TCF12: variants seen among roughly 807,000 people sequenced by gnomAD.
TCF12 encodes the protein DNA-binding protein HTF4.
Under a neutral mutation model 86.0 loss-of-function variants are expected in TCF12, and 45 were observed. The observed-to-expected ratio is 0.52, with a 90% CI of 0.41 to 0.67. TCF12 has a LOEUF of 0.67. TCF12 is among the 30% of genes least tolerant of loss of function. The pLI, the probability that TCF12 is intolerant of heterozygous loss-of-function variation, is 0.00. For synonymous variants in TCF12, 330 were observed against 299.6 expected, an observed-to-expected ratio of 1.10 and a Z score of -1.05; for missense variants, 881 against 859.9, an observed-to-expected ratio of 1.02 and a Z score of -0.31.
chr15:57,075,788 T>TCTC (rs1567370136), intron 4 of TCF12, among the ~76,000 whole-genome samples: 4 of 41,832 alleles, frequency 9.6e-5, no homozygotes, highest in Admixed American at 3.3e-4. Context: ...CTTTCTTTCT[T>TCTC]TCTTTCTTTC....
At chr15:57,245,422 T>G (rs564916088) in intron 13 of TCF12, among the ~76,000 whole-genome samples, 16 of 152,384 alleles carry the variant, frequency 1.0e-4, no homozygotes, top group African/African-American at 3.1e-4. Flanking sequence ...CTAACCCTAC[T>G]CACCCTCTTT....
At chr15:57,029,946 T>C (rs1466138345) in intron 3 of TCF12, among the ~76,000 whole-genome samples, 1 of 152,234 alleles carries the variant, frequency 6.6e-6, no homozygotes, top group Non-Finnish European at 1.5e-5. Flanking sequence ...TGTTACGTTA[T>C]ATGGATGTAC....
intron 3 of TCF12, among the ~76,000 whole-genome samples, chr15:56,979,320 C>G (rs1251710521): frequency 1.3e-5 from 2 of 152,078 alleles, no homozygotes; most frequent in African/African-American, 2.4e-5. Context: ...TACTTTTCAT[C>G]TTTTCATTGA....
At chr15:57,198,996 C>G (rs1409267887) in intron 8 of TCF12, among the ~76,000 whole-genome samples, 1 of 152,088 alleles carries the variant, frequency 6.6e-6, no homozygotes, top group Non-Finnish European at 1.5e-5. Flanking sequence ...ATTTGAAATC[C>G]TCTCTGTAAC....
At chr15:57,226,885 A>G (rs1240102474) in intron 8 of TCF12, among the ~76,000 whole-genome samples, 1 of 151,592 alleles carries the variant, frequency 6.6e-6, no homozygotes, top group African/African-American at 2.4e-5. Flanking sequence ...TGCACTATCC[A>G]CATTTCAAGT....
At chr15:56,962,740 C>T (rs1892349602) in intron 3 of TCF12, among the ~76,000 whole-genome samples, 1 of 152,116 alleles carries the variant, frequency 6.6e-6, no homozygotes, top group African/African-American at 2.4e-5. Context: ...AATTGCAACT[C>T]CTGAGACATC....
At chr15:57,201,028 A>G (rs570741198) in intron 8 of TCF12, among the ~76,000 whole-genome samples, 1 of 152,346 alleles carries the variant, frequency 6.6e-6, no homozygotes, top group Admixed American at 6.5e-5. Flanking sequence ...TAAAACTGAT[A>G]TGCTCAATAA....
intron 3 of TCF12, among the ~76,000 whole-genome samples, chr15:56,939,704 C>T (rs1355943586): frequency 1.3e-5 from 2 of 151,318 alleles, no homozygotes; most frequent in African/African-American, 2.4e-5. Context: ...TTCACATTCC[C>T]CAAATTGCAT....
In TCF12 at chr15:57,007,755, C is replaced by CTTTCTTTCT. The variant is rs774505040; in HGVS notation, c.149-55993_149-55992insTCTTTCTTT. 6.2e-4 allele frequency among the ~76,000 whole-genome samples: 52 copies of CTTTCTTTCT among 83,978 alleles called. 1 individual carries two copies. Among genetic ancestry groups the CTTTCTTTCT allele is most frequent in the Non-Finnish European group, 1.1e-3 (42 of 38,028 alleles). 55.1% of individuals were successfully genotyped at this position (83,978 alleles called of 152,430 possible). ...GAAAATGATGTAACAAATATTTTTC[C>CTTTCTTTCT]TTCTTTCTTTCTTTCTTTCTTTCTT... On this transcript the variant is annotated intron_variant, in intron 3 of 20. Transcript: ENST00000333725.
chr15:56,996,897 G>A (rs904528500), intron 3 of TCF12, among the ~76,000 whole-genome samples: 5 of 152,170 alleles, frequency 3.3e-5, no homozygotes, highest in Admixed American at 3.3e-4. Context: ...AATCGTCAGA[G>A]AAATTCCTAT....
chr15:57,012,223 A>G (rs2064875182), intron 3 of TCF12, among the ~76,000 whole-genome samples: 1 of 152,208 alleles, frequency 6.6e-6, no homozygotes, highest in Non-Finnish European at 1.5e-5. Flanking sequence ...TTAATATACT[A>G]CATTAATATA....
At chr15:57,068,427 G>A (rs1364306082) in intron 4 of TCF12, among the ~76,000 whole-genome samples, 2 of 152,068 alleles carry the variant, frequency 1.3e-5, no homozygotes, top group African/African-American at 4.8e-5. Context: ...ATTATTTGCC[G>A]ACTCAGTCAT....
rs577771999 is a variant in TCF12 at position 57,264,870 on chromosome 15, C to A, written c.1745+1596C>A. 7.9e-5 allele frequency among the ~76,000 whole-genome samples: 12 copies of A among 152,190 alleles called. 1 individual carries two copies. The highest frequency in any genetic ancestry group is 2.9e-4 in the African/African-American group (12 of 41,496). Reference sequence around the variant, plus strand: ...TCAGCCTCCAGAGTAGCTGGGACTACAGGTGCCTGCCACCATGCCCGGCGA... The same window carrying A: ...TCAGCCTCCAGAGTAGCTGGGACTAAAGGTGCCTGCCACCATGCCCGGCGA... On this transcript the variant is annotated intron_variant, in intron 18 of 20. Transcript: ENST00000333725.
intron 5 of TCF12, among the ~76,000 whole-genome samples, chr15:57,136,970 GTTT>G (rs1402740121): frequency 2.4e-5 from 1 of 40,830 alleles, no homozygotes; most frequent in Non-Finnish European, 4.9e-5. Flanking sequence ...TTTTTTTTTT[GTTT>G]TTTTTTTTTT....
intron 6 of TCF12, among the ~76,000 whole-genome samples, chr15:57,167,911 A>G (rs1254794134): frequency 1.3e-5 from 2 of 152,204 alleles, no homozygotes; most frequent in Admixed American, 1.3e-4. Context: ...GCATTGTGTC[A>G]TAGCCAGTGT....
chr15:57,000,553 T>A (rs1188392841), intron 3 of TCF12, among the ~76,000 whole-genome samples: 1 of 152,150 alleles, frequency 6.6e-6, no homozygotes, highest in Non-Finnish European at 1.5e-5. Context: ...TGAAAATTAA[T>A]CATCTGAGCT....
chr15:57,089,067 T>C (rs1242809964), intron 4 of TCF12, among the ~76,000 whole-genome samples: 1 of 152,218 alleles, frequency 6.6e-6, no homozygotes, highest in East Asian at 1.9e-4. Flanking sequence ...GAAGTTTTGG[T>C]GTACAGTTGT....
At chr15:56,919,765 T>TCGG (rs1406658424) in intron 1 of TCF12, 127 bp from the exon 2 acceptor site, 1 of 739,038 alleles carries the variant, frequency 1.4e-6, no homozygotes, top group African/African-American at 1.8e-5. Flanking sequence ...TGGGAGCGAG[T>TCGG]CGGGGTCCTG....
At chr15:57,172,239 C>T (rs1157611660) in intron 6 of TCF12, among the ~76,000 whole-genome samples, 1 of 151,808 alleles carries the variant, frequency 6.6e-6, no homozygotes, top group Non-Finnish European at 1.5e-5. Flanking sequence ...CAAAACGAAG[C>T]AAAACAAAAA....
Sources: gnomAD v4.1 joint callset for allele counts (sites outside exome capture counted in the v4.1 genomes callset) on GRCh38, gnomAD v4.1.1 for gene constraint, MANE v1.5 for transcripts, NCBI Gene and HGNC (gene_info 2026-07-23, HGNC 2026-07-21) for gene names.